The following PALM2AKAP2 variants were observed in gnomAD, a reference collection of about 807,000 sequenced individuals.
PALM2AKAP2 encodes the protein PALM2 and AKAP2 fusion.
PALM2AKAP2 carries 37 observed loss-of-function variants against 71.5 expected under a neutral mutation model. That is an observed-to-expected ratio of 0.52 (90% CI 0.40 to 0.68). The LOEUF (loss-of-function observed/expected upper bound fraction) is 0.68. Ranked by LOEUF, PALM2AKAP2 falls within the 30% of genes least tolerant of loss-of-function variation. The probability of loss-of-function intolerance (pLI) is 0.00; values close to 1 mark genes in which losing one functional copy is unlikely to be tolerated. For missense variants in PALM2AKAP2, 1,224 were observed against 1,191.8 expected, an observed-to-expected ratio of 1.03 and a Z score of -0.40; for synonymous variants, 468 against 478.8, an observed-to-expected ratio of 0.98 and a Z score of 0.29.
At chr9:109,681,794 A>G (rs1270891161) in intron 1 of PALM2AKAP2, among the ~76,000 whole-genome samples, 1 of 152,172 alleles carries the variant, frequency 6.6e-6, no homozygotes, top group Admixed American at 6.5e-5. Context: ...ATCACTGTAC[A>G]CTAGATGATA....
At chr9:109,942,174 TTC>T (rs1242192487) in intron 6 of PALM2AKAP2, among the ~76,000 whole-genome samples, 1 of 152,236 alleles carries the variant, frequency 6.6e-6, no homozygotes, top group African/African-American at 2.4e-5. Flanking sequence ...GTTGAAAATA[TTC>T]TGTTGTATAG....
chr9:109,833,589 G>A (rs1175979031), intron 1 of PALM2AKAP2, among the ~76,000 whole-genome samples: 2 of 152,102 alleles, frequency 1.3e-5, no homozygotes, highest in Admixed American at 1.3e-4. Context: ...AGACCCCCTT[G>A]AGCCTCAAAG....
At chr9:109,897,158 T>C (rs1387924328) in intron 3 of PALM2AKAP2, among the ~76,000 whole-genome samples, 1 of 152,236 alleles carries the variant, frequency 6.6e-6, no homozygotes, top group African/African-American at 2.4e-5. Context: ...TCGTCACTTA[T>C]GTGGCCTTGA....
intron 7 of PALM2AKAP2, among the ~76,000 whole-genome samples, chr9:110,017,354 T>G (rs1029591286): frequency 6.6e-6 from 1 of 152,256 alleles, no homozygotes; most frequent in Non-Finnish European, 1.5e-5. Flanking sequence ...GTAGCCTGAT[T>G]AGTCAAAAAG....
intron 1 of PALM2AKAP2, among the ~76,000 whole-genome samples, chr9:110,091,083 C>G (rs1216227577): frequency 6.6e-6 from 1 of 151,946 alleles, no homozygotes; most frequent in Non-Finnish European, 1.5e-5. Flanking sequence ...TGCTGCTAGT[C>G]GGGCACTTGG....
chr9:110,053,500 C>T, intron 1 of PALM2AKAP2, among the ~76,000 whole-genome samples: 1 of 126,750 alleles, frequency 7.9e-6, no homozygotes, highest in Non-Finnish European at 1.6e-5. Context: ...TGCACTCCAG[C>T]CTGGTGACAG....
At chr9:109,861,191 C>G (rs1829296251) in intron 1 of PALM2AKAP2, among the ~76,000 whole-genome samples, 1 of 152,200 alleles carries the variant, frequency 6.6e-6, no homozygotes, top group South Asian at 2.1e-4. Context: ...TTCCCTGTCT[C>G]CCTGTTTCTC....
intron 2 of PALM2AKAP2, among the ~76,000 whole-genome samples, chr9:110,146,044 G>A (rs979096666): frequency 3.3e-5 from 5 of 151,588 alleles, no homozygotes; most frequent in Admixed American, 1.3e-4. Context: ...GACTACAGGT[G>A]CCCACCACCG....
chr9:110,022,708 C>G (rs1833095782), intron 7 of PALM2AKAP2, among the ~76,000 whole-genome samples: 1 of 151,746 alleles, frequency 6.6e-6, no homozygotes, highest in East Asian at 1.9e-4. Flanking sequence ...AGGTGTATCT[C>G]CTAATGCTAT....
intron 1 of PALM2AKAP2, among the ~76,000 whole-genome samples, chr9:110,114,906 G>A (rs1459961158): frequency 6.6e-6 from 1 of 152,218 alleles, no homozygotes; most frequent in Non-Finnish European, 1.5e-5. Context: ...TCATAAATGA[G>A]AGAAGGTAGT....
At chr9:109,777,162 G>C (rs984096216), upstream of PALM2AKAP2, among the ~76,000 whole-genome samples, 1 of 152,094 alleles carries the variant, frequency 6.6e-6, no homozygotes. Context: ...TTGTTCAATT[G>C]GGAAAACCAG....
chr9:109,958,135 G>A (rs1308600969), intron 6 of PALM2AKAP2, among the ~76,000 whole-genome samples: 1 of 148,284 alleles, frequency 6.7e-6, no homozygotes, highest in Non-Finnish European at 1.5e-5. Context: ...TATATTTGAG[G>A]CAGTTGATTG....
intron 1 of PALM2AKAP2, chr9:109,760,732 G>A (rs1308917464): frequency 6.6e-6 from 1 of 152,200 alleles, no homozygotes; most frequent in African/African-American, 2.4e-5. Context: ...CACTGTATAA[G>A]AGGTGTTCAT....
intron 6 of PALM2AKAP2, among the ~76,000 whole-genome samples, chr9:110,014,807 T>A (rs1832948509): frequency 3.2e-3 from 10 of 3,164 alleles, no homozygotes; most frequent in African/African-American, 4.0e-3. Flanking sequence ...AAAAAAAATG[T>A]ATATATATAT....
intron 6 of PALM2AKAP2, among the ~76,000 whole-genome samples, chr9:109,985,598 C>G (rs866527139): frequency 6.5e-4 from 89 of 136,806 alleles, no homozygotes; most frequent in South Asian, 5.6e-3. Flanking sequence ...CCAGCCTGGG[C>G]GACAGAACGA....
chr9:110,147,841 CCTGAA>C (rs1836215885), intron 2 of PALM2AKAP2, among the ~76,000 whole-genome samples: 1 of 152,116 alleles, frequency 6.6e-6, no homozygotes, highest in Non-Finnish European at 1.5e-5. Context: ...CAGTTGTGAG[CCTGAA>C]ATAAATAACC....
intron 1 of PALM2AKAP2, among the ~76,000 whole-genome samples, chr9:109,696,040 C>T (rs769091981): frequency 1.3e-5 from 2 of 152,006 alleles, no homozygotes; most frequent in African/African-American, 2.4e-5. Context: ...ATACAAAGAT[C>T]GGATAAATAT....
At chr9:109,672,361 A>C (rs574038547) in intron 1 of PALM2AKAP2, among the ~76,000 whole-genome samples, 1 of 152,298 alleles carries the variant, frequency 6.6e-6, no homozygotes, top group Admixed American at 6.5e-5. Context: ...TGAGATAATA[A>C]TGCGGTTTTT....
intron 1 of PALM2AKAP2, among the ~76,000 whole-genome samples, chr9:109,846,850 A>G (rs567160295): frequency 3.9e-5 from 6 of 152,348 alleles, no homozygotes; most frequent in Non-Finnish European, 7.4e-5. Context: ...TAACAGCACA[A>G]TGAGCATCAG....
Sources: allele counts gnomAD v4.1 joint callset (sites outside exome capture counted in the v4.1 genomes callset), GRCh38; gene constraint gnomAD v4.1.1; transcripts MANE v1.5; gene names NCBI Gene and HGNC (gene_info 2026-07-23, HGNC 2026-07-21).